The following GALNT13 variants were observed in gnomAD, a reference collection of about 807,000 sequenced individuals.
The protein encoded by GALNT13 is UDP-GalNAc:polypeptide N-acetylgalactosaminyltransferase 13.
GALNT13 carries 28 observed loss-of-function variants against 64.2 expected under a neutral mutation model. The ratio of observed to expected loss-of-function variants is 0.44; its 90% CI spans 0.32 to 0.60. GALNT13 has a LOEUF of 0.60. Among genes scored for constraint, GALNT13 ranks in the 20% least tolerant of loss-of-function variants. The pLI is 0.05. For synonymous variants in GALNT13, 214 were observed against 224.6 expected (o/e 0.95, Z 0.42); for missense variants, 577 against 669.8 (o/e 0.86, Z 1.53).
At chr2:153,315,927 C>T in the GALNT13 span, among the ~76,000 whole-genome samples, 1 of 151,046 alleles carries the variant, frequency 6.6e-6, no homozygotes. Context: ...TGTATCTAGA[C>T]AATATAATAT....
At chr2:154,362,393 A>ATC (rs890966452) in intron 9 of GALNT13, among the ~76,000 whole-genome samples, 1 of 151,364 alleles carries the variant, frequency 6.6e-6, no homozygotes, top group African/African-American at 2.4e-5. Context: ...TGTATATTTC[A>ATC]TCTCTCTCTC....
chr2:153,188,440 G>A, the GALNT13 span, among the ~76,000 whole-genome samples: 8 of 150,256 alleles, frequency 5.3e-5, no homozygotes, highest in South Asian at 1.3e-3. Context: ...TAATTGTAGC[G>A]TGAGTTAAAA....
intron 3 of GALNT13, among the ~76,000 whole-genome samples, chr2:154,100,728 TTCCAGTACTGTGTTGA>T (rs2105462582): frequency 6.6e-6 from 1 of 152,274 alleles, no homozygotes; most frequent in African/African-American, 2.4e-5. Context: ...TGGTTAGGAA[TTCCAGTACTGTGTTGA>T]ATAGGAGAGG....
chr2:153,534,849 T>C, the GALNT13 span, among the ~76,000 whole-genome samples: 5 of 152,132 alleles, frequency 3.3e-5, no homozygotes, highest in Admixed American at 6.5e-5. Flanking sequence ...GCAGGGCATA[T>C]GCACTTCTTT....
chr2:154,120,796 G>A (rs940612452), intron 3 of GALNT13, among the ~76,000 whole-genome samples: 4 of 152,074 alleles, frequency 2.6e-5, no homozygotes, highest in Non-Finnish European at 4.4e-5. Context: ...TTTTTTAAGT[G>A]CACTGAGAAG....
At chr2:153,629,651 T>C in the GALNT13 span, among the ~76,000 whole-genome samples, 1 of 151,884 alleles carries the variant, frequency 6.6e-6, no homozygotes, top group Non-Finnish European at 1.5e-5. Flanking sequence ...ACAAATGGGA[T>C]CTAATTAAAC....
At chr2:153,907,439 A>T (rs1335421763) in intron 2 of GALNT13, among the ~76,000 whole-genome samples, 1 of 151,876 alleles carries the variant, frequency 6.6e-6, no homozygotes, top group Non-Finnish European at 1.5e-5. Context: ...GTACATGAGC[A>T]GGTTTGTTAT....
At chr2:154,023,264 G>A (rs9713928) in intron 3 of GALNT13, among the ~76,000 whole-genome samples, 1 of 152,090 alleles carries the variant, frequency 6.6e-6, no homozygotes. Context: ...TTTCTGTCTC[G>A]TTTATCTGTC....
intron 9 of GALNT13, among the ~76,000 whole-genome samples, chr2:154,310,398 CTT>C (rs1193911544): frequency 6.6e-6 from 1 of 152,030 alleles, no homozygotes; most frequent in African/African-American, 2.4e-5. Context: ...TCCTTCAAAT[CTT>C]TTTCTTATGC....
At chr2:153,077,887 G>T in the GALNT13 span, among the ~76,000 whole-genome samples, 1 of 152,124 alleles carries the variant, frequency 6.6e-6, no homozygotes, top group African/African-American at 2.4e-5. Context: ...TTTTAATTTT[G>T]CTTTAACAAA....
intron 2 of GALNT13, among the ~76,000 whole-genome samples, chr2:153,925,061 A>G (rs928281205): frequency 1.3e-5 from 2 of 152,194 alleles, no homozygotes; most frequent in Non-Finnish European, 2.9e-5. Flanking sequence ...TAATTTAATT[A>G]GATTCCATTT....
At chr2:153,410,096 T>C in the GALNT13 span, among the ~76,000 whole-genome samples, 1 of 152,280 alleles carries the variant, frequency 6.6e-6, no homozygotes, top group African/African-American at 2.4e-5. Context: ...AAATGCTTTG[T>C]TGTTGTTGAG....
chr2:154,404,463 C>T (rs1699436793), intron 10 of GALNT13, among the ~76,000 whole-genome samples: 3 of 152,102 alleles, frequency 2.0e-5, no homozygotes, highest in Admixed American at 2.0e-4. Flanking sequence ...ATTGTCATGA[C>T]CCAGATGATA....
intron 3 of GALNT13, among the ~76,000 whole-genome samples, chr2:153,996,384 G>A (rs1479402017): frequency 6.6e-6 from 1 of 152,038 alleles, no homozygotes; most frequent in Non-Finnish European, 1.5e-5. Context: ...CTGGGATAAG[G>A]TGATATCTTA....
intron 1 of GALNT13, among the ~76,000 whole-genome samples, chr2:153,885,328 G>T (rs1472852691): frequency 6.6e-6 from 1 of 151,894 alleles, no homozygotes; most frequent in Non-Finnish European, 1.5e-5. Flanking sequence ...TTTACTTTGT[G>T]TCTAACTGAC....
At chr2:154,220,273 A>G (rs1688258099) in intron 4 of GALNT13, among the ~76,000 whole-genome samples, 1 of 152,106 alleles carries the variant, frequency 6.6e-6, no homozygotes, top group Admixed American at 6.6e-5. Flanking sequence ...TTGGATGTGT[A>G]GTAAAAGAAA....
At chr2:153,646,045 T>A in the GALNT13 span, among the ~76,000 whole-genome samples, 1 of 152,104 alleles carries the variant, frequency 6.6e-6, no homozygotes, top group South Asian at 2.1e-4. Context: ...TTATTTCTAT[T>A]TTGGTGTAAT....
intron 3 of GALNT13, among the ~76,000 whole-genome samples, chr2:154,060,713 A>G (rs1356393929): frequency 2.0e-5 from 3 of 152,154 alleles, no homozygotes; most frequent in Admixed American, 6.5e-5. Flanking sequence ...GAAAAGAAGC[A>G]GTAAACTTGG....
chr2:154,243,006 A>G, intron 6 of GALNT13, 101 bp downstream of exon 6: 1 of 965,226 alleles, frequency 1.0e-6, no homozygotes, highest in Non-Finnish European at 1.5e-6. Context: ...TATTTTTAGA[A>G]GGTTTATTTT....
Sources: allele counts gnomAD v4.1 joint callset (sites outside exome capture counted in the v4.1 genomes callset), GRCh38; gene constraint gnomAD v4.1.1; transcripts MANE v1.5; gene names NCBI Gene and HGNC (gene_info 2026-07-23, HGNC 2026-07-21).